Variants in RAPGEF6 observed in about 807,000 individuals in gnomAD.
RAPGEF6 encodes the protein Rap guanine nucleotide exchange factor 6.
A neutral mutation model predicts 171.4 loss-of-function variants in RAPGEF6; 56 were observed. The ratio of observed to expected loss-of-function variants is 0.33; its 90% CI spans 0.26 to 0.41. The LOEUF (loss-of-function observed/expected upper bound fraction) is 0.41, where lower values mean the gene tolerates loss of function less well. Among genes scored for constraint, RAPGEF6 ranks in the 10% least tolerant of loss-of-function variants. The pLI, the probability that RAPGEF6 is intolerant of heterozygous loss-of-function variation, is 1.00. For missense variants in RAPGEF6, 1,674 were observed against 1,921.4 expected, an observed-to-expected ratio of 0.87 and a Z score of 2.41; for synonymous variants, 692 against 650.1, an observed-to-expected ratio of 1.06 and a Z score of -0.98.
intron 1 of RAPGEF6, among the ~76,000 whole-genome samples, chr5:131,631,735 C>T (rs1766318385): frequency 6.6e-6 from 1 of 151,994 alleles, no homozygotes; most frequent in Non-Finnish European, 1.5e-5. Context: ...TCTGTTGAGC[C>T]CAGAAATTAG....
chr5:131,465,421 G>A (rs910208486), intron 17 of RAPGEF6, among the ~76,000 whole-genome samples: 6 of 151,932 alleles, frequency 3.9e-5, no homozygotes, highest in Admixed American at 3.3e-4. Context: ...TGACTTTATA[G>A]CATGAACAAA....
intron 1 of RAPGEF6, among the ~76,000 whole-genome samples, chr5:131,610,135 T>C (rs915743336): frequency 6.6e-6 from 1 of 152,170 alleles, no homozygotes; most frequent in African/African-American, 2.4e-5. Flanking sequence ...TGGAGCAGTG[T>C]ATACAGCAGG....
intron 5 of RAPGEF6, among the ~76,000 whole-genome samples, chr5:131,549,580 G>A (rs914505895): frequency 1.3e-5 from 2 of 151,910 alleles, no homozygotes; most frequent in Non-Finnish European, 2.9e-5. Flanking sequence ...GCGCAGTGGC[G>A]AGTGCCTGTA....
chr5:131,496,419 A>T (rs1756645958), intron 12 of RAPGEF6, among the ~76,000 whole-genome samples: 1 of 152,196 alleles, frequency 6.6e-6, no homozygotes, highest in African/African-American at 2.4e-5. Context: ...TAGTACCTTA[A>T]CAATACTGTG....
intron 27 of RAPGEF6, among the ~76,000 whole-genome samples, chr5:131,427,937 G>A (rs1751470475): frequency 6.6e-6 from 1 of 152,042 alleles, no homozygotes; most frequent in Non-Finnish European, 1.5e-5. Flanking sequence ...GTAAAATGCT[G>A]TCTCAAATAC....
At chr5:131,428,662 A>G (rs543002777) in intron 27 of RAPGEF6, among the ~76,000 whole-genome samples, 2 of 151,988 alleles carry the variant, frequency 1.3e-5, no homozygotes, top group East Asian at 3.9e-4. Flanking sequence ...GGGTTTCTCC[A>G]TGTTGGACAG....
intron 3 of RAPGEF6, among the ~76,000 whole-genome samples, chr5:131,595,720 T>A (rs977601629): frequency 2.0e-5 from 3 of 152,076 alleles, no homozygotes; most frequent in Non-Finnish European, 2.9e-5. Context: ...AATAAATCCT[T>A]ACCTATAAAT....
At chr5:131,574,496 A>G (rs940929227) in intron 4 of RAPGEF6, among the ~76,000 whole-genome samples, 3 of 152,060 alleles carry the variant, frequency 2.0e-5, no homozygotes, top group African/African-American at 7.2e-5. Flanking sequence ...CCTTGCCTCC[A>G]TAACTGTTGT....
In RAPGEF6 at chr5:131,433,383, C is replaced by T. The variant is rs1189239926; in HGVS notation, c.3974+47G>A. On this transcript the variant is annotated intron_variant, in intron 25 of 27. Transcript: ENST00000509018. ...AGGTGGGGAGCACTCCTTGCAGTGGCCACTTGGCTTGGGTTTTGTGTTATG... is the reference window on the plus strand; with the variant it reads ...AGGTGGGGAGCACTCCTTGCAGTGGTCACTTGGCTTGGGTTTTGTGTTATG... 5 of 1,540,088 alleles carry T rather than the reference C, an allele frequency of 3.2e-6. No homozygotes were observed. In the South Asian group the frequency reaches 5.6e-5, roughly 17 times the overall value.
Position 131,633,785 on chromosome 5 carries a change from G to A in RAPGEF6, c.69+1177C>T, listed in dbSNP as rs145456859. On this transcript the variant is annotated intron_variant, in intron 1 of 27. Transcript: ENST00000509018. ...TAAATTGAAACCTGCAATACACATC[G>A]TAAGCCTTGTATAATACTTTCCAAT... Among the ~76,000 whole-genome samples the A allele has an allele frequency of 8.3e-3, 1,263 of 152,224 alleles. 3 individuals are homozygous for A. The highest frequency in any genetic ancestry group is 0.014 in the South Asian group (66 of 4,822).
chr5:131,558,614 C>T (rs1398819686), intron 5 of RAPGEF6, among the ~76,000 whole-genome samples: 4 of 152,100 alleles, frequency 2.6e-5, no homozygotes, highest in Non-Finnish European at 5.9e-5. Context: ...AATTTCACAA[C>T]AAGAAAGGCT....
At chr5:131,490,787 G>GA (rs1308309009) in intron 14 of RAPGEF6, among the ~76,000 whole-genome samples, 2 of 152,182 alleles carry the variant, frequency 1.3e-5, no homozygotes, top group Admixed American at 1.3e-4. Context: ...AGACAACTGT[G>GA]AAATGAGTTG....
intron 17 of RAPGEF6, among the ~76,000 whole-genome samples, chr5:131,467,147 T>C (rs1238379522): frequency 6.6e-6 from 1 of 152,256 alleles, no homozygotes; most frequent in East Asian, 1.9e-4. Context: ...ACATTTCATG[T>C]TCTCTTCCCT....
chr5:131,634,866 G>C (rs1766538693), intron 1 of RAPGEF6, 96 bp downstream of exon 1: 1 of 1,378,428 alleles, frequency 7.3e-7, no homozygotes, highest in Admixed American at 1.7e-5. Flanking sequence ...GCAGGTGCGA[G>C]ACTCTGGCAA....
intron 4 of RAPGEF6, among the ~76,000 whole-genome samples, chr5:131,590,370 C>T (rs560545266): frequency 1.3e-5 from 2 of 152,254 alleles, no homozygotes; most frequent in African/African-American, 4.8e-5. Flanking sequence ...GCCCTCCAGC[C>T]TGGGCAACAG....
intron 15 of RAPGEF6, among the ~76,000 whole-genome samples, chr5:131,480,026 G>A (rs939682706): frequency 6.6e-6 from 1 of 151,836 alleles, no homozygotes. Context: ...CAGGCTGCAG[G>A]CAAGTTTGAA....
intron 7 of RAPGEF6, among the ~76,000 whole-genome samples, chr5:131,513,344 C>CT (rs1485742964): frequency 6.6e-6 from 1 of 152,104 alleles, no homozygotes; most frequent in Non-Finnish European, 1.5e-5. Flanking sequence ...TATCCCTTTT[C>CT]TATTTTATCA....
At chr5:131,478,757 A>G (rs960085884) in intron 16 of RAPGEF6, among the ~76,000 whole-genome samples, 3 of 152,168 alleles carry the variant, frequency 2.0e-5, no homozygotes, top group Non-Finnish European at 4.4e-5. Flanking sequence ...TTGTTCCTAT[A>G]ACTATAATCT....
At position 131,475,233 on chromosome 5, in the gene RAPGEF6, T is replaced by C. The variant is rs562616733; in HGVS notation, c.2082-2489A>G. 4.6e-5 allele frequency among the ~76,000 whole-genome samples: 7 copies of C among 152,352 alleles called. No individual in the cohort carries two copies. In the South Asian group the frequency reaches 1.0e-3, roughly 23 times the overall value. On this transcript the variant is annotated intron_variant, in intron 16 of 27. Transcript: ENST00000509018. ...CAGTATTTAGTTGGCAAAATATCCA[T>C]GCTTATTTGAAAGCTGAGTTGATAA...
Sources: gnomAD v4.1 joint callset for allele counts (sites outside exome capture counted in the v4.1 genomes callset) on GRCh38, gnomAD v4.1.1 for gene constraint, MANE v1.5 for transcripts, NCBI Gene and HGNC (gene_info 2026-07-23, HGNC 2026-07-21) for gene names.